HIVEP3: variants seen among roughly 807,000 people sequenced by gnomAD.
HIVEP3 encodes HIVEP zinc finger 3.
Under a neutral mutation model 152.8 loss-of-function variants are expected in HIVEP3, and 49 were observed. The ratio of observed to expected loss-of-function variants is 0.32; its 90% CI spans 0.26 to 0.41. The LOEUF is 0.41. HIVEP3 is among the 10% of genes least tolerant of loss of function. HIVEP3 has a pLI of 1.00. For missense variants in HIVEP3, 2,790 were observed against 3,103.3 expected, an observed-to-expected ratio of 0.90 and a Z score of 2.40; for synonymous variants, 1,269 against 1,289.0, an observed-to-expected ratio of 0.98 and a Z score of 0.33.
intron 1 of HIVEP3, among the ~76,000 whole-genome samples, chr1:41,836,595 G>A (rs1643130652): frequency 6.6e-6 from 1 of 152,200 alleles, no homozygotes; most frequent in Admixed American, 6.5e-5. Flanking sequence ...AATGAAACTG[G>A]TCATGTGGAT....
At chr1:41,942,778 G>A (rs1645052256) in intron 1 of HIVEP3, among the ~76,000 whole-genome samples, 1 of 151,934 alleles carries the variant, frequency 6.6e-6, no homozygotes, top group African/African-American at 2.4e-5. Context: ...AAAGGAGTGA[G>A]GAAAATCTCT....
At chr1:41,803,187 A>C (rs1650404249) in intron 1 of HIVEP3, among the ~76,000 whole-genome samples, 1 of 152,220 alleles carries the variant, frequency 6.6e-6, no homozygotes, top group African/African-American at 2.4e-5. Flanking sequence ...AATAGAACAG[A>C]CAAAAACCCC....
intron 1 of HIVEP3, among the ~76,000 whole-genome samples, chr1:41,853,612 C>T (rs1643667217): frequency 6.6e-6 from 1 of 152,100 alleles, no homozygotes; most frequent in Non-Finnish European, 1.5e-5. Context: ...GGTGGGGACA[C>T]AGGCAAACCA....
intron 2 of HIVEP3, among the ~76,000 whole-genome samples, chr1:41,666,526 A>G (rs1290977978): frequency 2.0e-5 from 3 of 152,232 alleles, no homozygotes; most frequent in African/African-American, 7.2e-5. Context: ...TGTACAAAAT[A>G]GTAGGTGCTC....
chr1:41,993,058 C>T (rs1363694013), intron 1 of HIVEP3, among the ~76,000 whole-genome samples: 2 of 150,400 alleles, frequency 1.3e-5, no homozygotes, highest in African/African-American at 4.9e-5. Context: ...AGAAGAAAAC[C>T]TAGGCAATAC....
In HIVEP3 at chr1:41,733,318, C is replaced by T. The variant is rs981368696; in HGVS notation, c.-800-32323G>A. The stretch of plus-strand genomic sequence containing the variant: ...AAACCCGAGTGCTGACAGCCAATGT[C>T]CAACTCCCAGGTACCAAGTGGTAAT... On this transcript the variant is annotated intron_variant, in intron 1 of 8. Coordinates refer to ENST00000372583, the MANE Select transcript of HIVEP3 (RefSeq NM_024503.5). Among the ~76,000 whole-genome samples the T allele has an allele frequency of 2.6e-5, 4 of 152,304 alleles. No individual in the cohort carries two copies. The South Asian group carries it at 6.2e-4, about 24-fold the overall frequency.
At chr1:41,672,404 CG>C (rs1317877007) in intron 2 of HIVEP3, among the ~76,000 whole-genome samples, 1 of 152,190 alleles carries the variant, frequency 6.6e-6, no homozygotes. Flanking sequence ...TTTGCTTCTC[CG>C]GCCTCAGCTT....
intron 1 of HIVEP3, among the ~76,000 whole-genome samples, chr1:41,996,569 T>A (rs975608367): frequency 1.3e-5 from 2 of 152,090 alleles, no homozygotes. Context: ...TATCTCATAG[T>A]ATGGTAGCTG....
intron 1 of HIVEP3, among the ~76,000 whole-genome samples, chr1:41,751,934 G>A (rs1171105200): frequency 2.0e-5 from 3 of 152,242 alleles, no homozygotes; most frequent in East Asian, 3.9e-4. Context: ...TGTGGTGGGT[G>A]GAGGATCCAG....
intron 1 of HIVEP3, among the ~76,000 whole-genome samples, chr1:41,780,072 A>G (rs1648951811): frequency 6.6e-6 from 1 of 152,246 alleles, no homozygotes; most frequent in South Asian, 2.1e-4. Context: ...ACTGATGGGA[A>G]GAACCAACCT....
intron 1 of HIVEP3, among the ~76,000 whole-genome samples, chr1:42,018,373 T>G (rs1645535613): frequency 6.8e-6 from 1 of 147,342 alleles, no homozygotes; most frequent in East Asian, 2.0e-4. Flanking sequence ...CTAATATATA[T>G]AGACCTACAA....
chr1:41,794,227 C>T (rs1649857800), intron 1 of HIVEP3, among the ~76,000 whole-genome samples: 1 of 152,162 alleles, frequency 6.6e-6, no homozygotes, highest in African/African-American at 2.4e-5. Context: ...AGAGTTTGTG[C>T]AGGGGAACTC....
chr1:41,826,115 C>T (rs1642795182), intron 1 of HIVEP3, among the ~76,000 whole-genome samples: 2 of 152,206 alleles, frequency 1.3e-5, no homozygotes, highest in Admixed American at 1.3e-4. Context: ...GGACTATTTG[C>T]AGTCTCCTCT....
intron 3 of HIVEP3, among the ~76,000 whole-genome samples, 171 bp downstream of exon 3, chr1:41,628,578 C>T (rs1392141829): frequency 1.3e-5 from 2 of 152,176 alleles, no homozygotes; most frequent in African/African-American, 2.4e-5. Flanking sequence ...TACTCCTGAC[C>T]AAGGAAGGTT....
At chr1:41,663,160 G>A (rs1187990801) in intron 2 of HIVEP3, among the ~76,000 whole-genome samples, 1 of 152,250 alleles carries the variant, frequency 6.6e-6, no homozygotes, top group Non-Finnish European at 1.5e-5. Flanking sequence ...GGAAGGCCAG[G>A]ACCCTGAGAT....
At chr1:41,974,964 T>C (rs1274279986) in intron 1 of HIVEP3, among the ~76,000 whole-genome samples, 1 of 152,196 alleles carries the variant, frequency 6.6e-6, no homozygotes, top group Non-Finnish European at 1.5e-5. Flanking sequence ...CCACTGCTGA[T>C]GGCTCTCAGC....
At chr1:41,842,137 G>T (rs1014783387) in intron 1 of HIVEP3, among the ~76,000 whole-genome samples, 1 of 151,962 alleles carries the variant, frequency 6.6e-6, no homozygotes. Flanking sequence ...AATGCACCTA[G>T]TATATAGTAA....
At chr1:41,719,138 G>C (rs991057280) in intron 1 of HIVEP3, among the ~76,000 whole-genome samples, 2 of 152,222 alleles carry the variant, frequency 1.3e-5, no homozygotes, top group Admixed American at 6.5e-5. Context: ...AGGACAACCA[G>C]GTACCCTGGA....
At position 41,918,233 on chromosome 1, in the gene HIVEP3, G is replaced by A. The variant is rs566227815; in HGVS notation, c.-801+180C>T. Among the ~76,000 whole-genome samples, 11 of 152,298 alleles carry A rather than the reference G, an allele frequency of 7.2e-5. No homozygotes were observed. The South Asian group carries it at 2.3e-3, about 32-fold the overall frequency. ...CCGGGGGCACTGGCCGCCACGCGCA[G>A]CCCACCCGGCCGGCCCCTGCGTCTC... is the stretch of plus-strand genomic sequence containing the variant. On this transcript the variant is annotated intron_variant, in intron 1 of 8. Coordinates refer to ENST00000372583, the MANE Select transcript of HIVEP3 (RefSeq NM_024503.5). This position sits in a 1 kb window ranked among gnomAD's most constrained non-coding sequence, Gnocchi z 4.3.
Sources: allele counts gnomAD v4.1 joint callset (sites outside exome capture counted in the v4.1 genomes callset), GRCh38; gene constraint gnomAD v4.1.1; non-coding constraint Gnocchi (gnomAD v3.1); transcripts MANE v1.5; gene names NCBI Gene and HGNC (gene_info 2026-07-23, HGNC 2026-07-21).